NRXN3: variants seen among roughly 807,000 people sequenced by gnomAD.
The protein encoded by NRXN3 is neurexin 3, also known as neurexin III.
A neutral mutation model predicts 137.6 loss-of-function variants in NRXN3; 32 were observed. That is an observed-to-expected ratio of 0.23 (90% CI 0.18 to 0.31). The LOEUF is 0.31. NRXN3 is among the 10% of genes least tolerant of loss of function. The probability of loss-of-function intolerance (pLI) is 1.00; values close to 1 mark genes in which losing one functional copy is unlikely to be tolerated. For synonymous variants in NRXN3, 798 were observed against 784.5 expected, an observed-to-expected ratio of 1.02 and a Z score of -0.29; for missense variants, 1,574 against 2,062.5, an observed-to-expected ratio of 0.76 and a Z score of 4.59.
intron 15 of NRXN3, among the ~76,000 whole-genome samples, chr14:79,150,931 A>T (rs2059744314): frequency 6.6e-6 from 1 of 152,062 alleles, no homozygotes; most frequent in African/African-American, 2.4e-5. Context: ...TACATGTGAC[A>T]GGTGATGTTG....
intron 15 of NRXN3, among the ~76,000 whole-genome samples, chr14:79,166,820 C>T (rs907834170): frequency 1.3e-5 from 2 of 151,886 alleles, no homozygotes; most frequent in Non-Finnish European, 2.9e-5. Flanking sequence ...TCCATTTTCT[C>T]ATCTGCAAAG....
chr14:78,394,756 A>G (rs1460839592), intron 4 of NRXN3, among the ~76,000 whole-genome samples: 5 of 151,912 alleles, frequency 3.3e-5, no homozygotes, highest in African/African-American at 1.2e-4. Flanking sequence ...TTATGTAGCT[A>G]TTCAAATGAT....
intron 15 of NRXN3, among the ~76,000 whole-genome samples, chr14:79,132,458 C>T (rs949263016): frequency 6.6e-6 from 1 of 152,154 alleles, no homozygotes; most frequent in Admixed American, 6.5e-5. Context: ...ATTTTGATCA[C>T]ATTTTGAAGT....
At chr14:78,194,135 A>G (rs1324817148) in intron 1 of NRXN3, among the ~76,000 whole-genome samples, 1 of 152,204 alleles carries the variant, frequency 6.6e-6, no homozygotes, top group African/African-American at 2.4e-5. Context: ...TCTGCATGAA[A>G]AGGATTTTCT....
intron 16 of NRXN3, among the ~76,000 whole-genome samples, chr14:79,578,410 C>CAT (rs1265443311): frequency 3.3e-5 from 5 of 151,940 alleles, no homozygotes; most frequent in Admixed American, 6.6e-5. Flanking sequence ...CATGATTGCC[C>CAT]ATATATATAT....
intron 6 of NRXN3, among the ~76,000 whole-genome samples, chr14:78,677,718 G>A (rs2098024149): frequency 6.6e-6 from 1 of 152,150 alleles, no homozygotes; most frequent in African/African-American, 2.4e-5. Context: ...AGCATTACAT[G>A]CTACAAAGAA....
intron 15 of NRXN3, among the ~76,000 whole-genome samples, chr14:79,030,953 C>A (rs1212959045): frequency 6.6e-6 from 1 of 152,002 alleles, no homozygotes; most frequent in African/African-American, 2.4e-5. Flanking sequence ...TTTATAGTCT[C>A]CTCCTACTTT....
intron 4 of NRXN3, among the ~76,000 whole-genome samples, chr14:78,531,890 C>T (rs1018342736): frequency 1.3e-5 from 2 of 152,128 alleles, no homozygotes; most frequent in African/African-American, 2.4e-5. Flanking sequence ...TTTCAGTTAA[C>T]ATTTCTGCTT....
At chr14:78,926,886 TTATATA>T (rs369031895) in intron 10 of NRXN3, among the ~76,000 whole-genome samples, 1 of 22,026 alleles carries the variant, frequency 4.5e-5, no homozygotes, top group Non-Finnish European at 6.3e-5. Context: ...TATAATATAT[TTATATA>T]TATATATAAT....
intron 15 of NRXN3, among the ~76,000 whole-genome samples, chr14:79,067,793 G>A (rs2099682661): frequency 6.6e-6 from 1 of 152,004 alleles, no homozygotes; most frequent in East Asian, 1.9e-4. Context: ...AGTTCACAAT[G>A]TCTAACTGTG....
chr14:79,395,922 A>T (rs915093601), intron 15 of NRXN3, among the ~76,000 whole-genome samples: 6 of 152,206 alleles, frequency 3.9e-5, no homozygotes, highest in African/African-American at 1.4e-4. Flanking sequence ...ATAAAACATT[A>T]TTAAGAAATG....
intron 15 of NRXN3, among the ~76,000 whole-genome samples, chr14:78,998,016 T>C (rs2099533484): frequency 6.6e-6 from 1 of 152,330 alleles, no homozygotes; most frequent in Admixed American, 6.5e-5. Context: ...GGATTCCAGC[T>C]GGAACCTTCC....
chr14:79,148,827 T>C (rs560515526), intron 15 of NRXN3, among the ~76,000 whole-genome samples: 55 of 152,274 alleles, frequency 3.6e-4, no homozygotes, highest in African/African-American at 1.2e-3. Flanking sequence ...CTTCTCCTTT[T>C]CTCCACAAAT....
chr14:78,880,063 C>A (rs1044424556), intron 10 of NRXN3, among the ~76,000 whole-genome samples: 1 of 143,152 alleles, frequency 7.0e-6, no homozygotes, highest in Non-Finnish European at 1.5e-5. Flanking sequence ...AACGGTGAAA[C>A]CCCGTCTCTA....
intron 15 of NRXN3, among the ~76,000 whole-genome samples, chr14:79,269,372 A>G (rs1049508914): frequency 6.6e-5 from 10 of 152,114 alleles, no homozygotes; most frequent in Non-Finnish European, 1.3e-4. Flanking sequence ...TTTGTACTGA[A>G]GTTTATGATA....
chr14:79,714,275 C>T (rs2098816144), intron 19 of NRXN3, among the ~76,000 whole-genome samples: 1 of 152,158 alleles, frequency 6.6e-6, no homozygotes, highest in African/African-American at 2.4e-5. Flanking sequence ...TAAATAATTA[C>T]ACTAGGTACA....
At chr14:78,240,226 G>A (rs535226315) in intron 1 of NRXN3, among the ~76,000 whole-genome samples, 38 of 152,298 alleles carry the variant, frequency 2.5e-4, no homozygotes, top group African/African-American at 8.4e-4. Flanking sequence ...AACCACTGGG[G>A]GTACCTGTGT....
intron 15 of NRXN3, among the ~76,000 whole-genome samples, chr14:79,209,712 A>G (rs575018411): frequency 6.6e-6 from 1 of 152,346 alleles, no homozygotes; most frequent in East Asian, 1.9e-4. Context: ...TTCTTATACC[A>G]GCGATTTTAT....
intron 19 of NRXN3, among the ~76,000 whole-genome samples, chr14:79,803,089 C>G (rs1455593542): frequency 6.6e-6 from 1 of 151,912 alleles, no homozygotes; most frequent in Non-Finnish European, 1.5e-5. Context: ...CCTTGAGGAG[C>G]AAGGTTTGAA....
Sources: allele counts gnomAD v4.1 joint callset (sites outside exome capture counted in the v4.1 genomes callset), GRCh38; gene constraint gnomAD v4.1.1; transcripts MANE v1.5; gene names NCBI Gene and HGNC (gene_info 2026-07-23, HGNC 2026-07-21).